CLCA1: variants seen among roughly 807,000 people sequenced by gnomAD.
CLCA1 encodes the protein chloride channel accessory 1.
A neutral mutation model predicts 85.6 loss-of-function variants in CLCA1; 59 were observed. The ratio of observed to expected loss-of-function variants is 0.69; its 90% confidence interval spans 0.56 to 0.86. The LOEUF (loss-of-function observed/expected upper bound fraction) is 0.86, where lower values mean the gene tolerates loss of function less well. CLCA1 is among the 40% of genes least tolerant of loss of function. CLCA1 has a pLI of 0.00. For missense variants in CLCA1, 1,022 were observed against 1,101.4 expected, an observed-to-expected ratio of 0.93 and a Z score of 1.02; for synonymous variants, 396 against 398.3, an observed-to-expected ratio of 0.99 and a Z score of 0.07.
At chr1:86,499,628 G>C in intron 13 of CLCA1, 26 bp from the exon 14 acceptor site, 1 of 1,436,836 alleles carries the variant, frequency 7.0e-7, no homozygotes, top group South Asian at 1.3e-5. Flanking sequence ...CAGAATTAAA[G>C]TCACATTCTT....
chr1:86,481,242 T>G (rs976469555), intron 4 of CLCA1, among the ~76,000 whole-genome samples: 1 of 152,052 alleles, frequency 6.6e-6, no homozygotes, highest in East Asian at 1.9e-4. Flanking sequence ...GTTCAAGCAA[T>G]TCTCGTGCCT....
At chr1:86,479,278 G>T (rs538362494) in intron 4 of CLCA1, among the ~76,000 whole-genome samples, 1 of 152,114 alleles carries the variant, frequency 6.6e-6, no homozygotes, top group African/African-American at 2.4e-5. Flanking sequence ...GCAATGAAAG[G>T]TATGATAAAA....
intron 4 of CLCA1, among the ~76,000 whole-genome samples, chr1:86,481,214 G>C (rs1377119658): frequency 6.6e-6 from 1 of 151,688 alleles, no homozygotes; most frequent in Non-Finnish European, 1.5e-5. Context: ...TCAGCTCACT[G>C]CAACCTCTGC....
At position 86,489,069 on chromosome 1, in the gene CLCA1, G is replaced by A; in HGVS notation, c.1256G>A (p.Ser419Asn). Residue 419 changes from serine to asparagine, a missense_variant, in exon 8 of 14, where the codon AGT becomes AAT. Physicochemically the swap from Ser to Asn is conservative, Grantham distance 46. Transcript: ENST00000394711. ...LLTDGEDNTISGCFNEVKQSG... is the reference protein window; with the variant it reads ...LLTDGEDNTINGCFNEVKQSG... ...ACGGATGGGGAAGACAACACTATAA[G>A]TGGGTGCTTTAACGAGGTCAAACAA... The A allele has an allele frequency of 6.2e-7, 1 of 1,614,136 alleles. No individual in the cohort carries two copies. Among genetic ancestry groups the A allele is most frequent in the Non-Finnish European group, 8.5e-7 (1 of 1,180,006 alleles).
In CLCA1 at chr1:86,480,370, G is replaced by T. The variant is rs568875370; in HGVS notation, c.558-1835G>T. On this transcript the variant is annotated intron_variant, in intron 4 of 13. Transcript: ENST00000394711. The stretch of plus-strand genomic sequence containing the variant: ...ACATCCAAATAGAAAAATAGACAAA[G>T]GAGAAGAATAGATAATTTACAAAAG... Among the ~76,000 whole-genome samples, 74 of 152,194 alleles carry T rather than the reference G, an allele frequency of 4.9e-4. 1 individual carries two copies. The South Asian group carries it at 0.014, about 29-fold the overall frequency.
At chr1:86,488,690 C>G (rs1172729938) in intron 7 of CLCA1, among the ~76,000 whole-genome samples, 1 of 152,096 alleles carries the variant, frequency 6.6e-6, no homozygotes, top group Non-Finnish European at 1.5e-5. Flanking sequence ...AAGGAGAGAC[C>G]AAGTGAAGGA....
chr1:86,474,469 G>A (rs1267468193), intron 3 of CLCA1, among the ~76,000 whole-genome samples: 4 of 151,960 alleles, frequency 2.6e-5, no homozygotes, highest in African/African-American at 7.3e-5. Context: ...CAGGAGAATG[G>A]CGTGAACCCG....
intron 7 of CLCA1, among the ~76,000 whole-genome samples, chr1:86,488,159 G>C (rs1224381278): frequency 6.6e-6 from 1 of 152,204 alleles, no homozygotes; most frequent in Non-Finnish European, 1.5e-5. Context: ...GCCTTTGGAA[G>C]ATGCCTTCTT....
chr1:86,488,886 T>C (rs981471016), intron 7 of CLCA1, 110 bp from the exon 8 acceptor site: 11 of 797,688 alleles, frequency 1.4e-5, no homozygotes, highest in Non-Finnish European at 1.9e-5. Context: ...TCCCAGACAA[T>C]TTTGGTTATT....
At chr1:86,487,645 C>G (rs1051725894) in intron 7 of CLCA1, among the ~76,000 whole-genome samples, 1 of 152,132 alleles carries the variant, frequency 6.6e-6, no homozygotes, top group East Asian at 1.9e-4. Flanking sequence ...TTGGCTTGTT[C>G]TCTTGGCTTG....
intron 1 of CLCA1, among the ~76,000 whole-genome samples, chr1:86,471,386 A>G (rs904504817): frequency 2.0e-5 from 3 of 152,184 alleles, no homozygotes; most frequent in Admixed American, 6.5e-5. Flanking sequence ...AGCCCATTCT[A>G]TAAACTGTCA....
At chr1:86,472,521 T>C (rs1647533858) in intron 1 of CLCA1, among the ~76,000 whole-genome samples, 1 of 152,304 alleles carries the variant, frequency 6.6e-6, no homozygotes, top group African/African-American at 2.4e-5. Flanking sequence ...TCGAAGCAAA[T>C]GGTTTTCAGT....
intron 4 of CLCA1, among the ~76,000 whole-genome samples, chr1:86,476,864 C>T (rs890943424): frequency 9.2e-5 from 14 of 152,088 alleles, no homozygotes; most frequent in Admixed American, 5.2e-4. Flanking sequence ...GCATCAGTGA[C>T]GTAAGCAGAG....
chr1:86,481,287 A>G (rs1463659257), intron 4 of CLCA1, among the ~76,000 whole-genome samples: 2 of 151,628 alleles, frequency 1.3e-5, no homozygotes, highest in African/African-American at 4.8e-5. Flanking sequence ...CAGGTGCGCA[A>G]CACCATGCCC....
intron 12 of CLCA1, 81 bp downstream of exon 12, chr1:86,495,756 T>G: frequency 1.6e-6 from 2 of 1,276,888 alleles, no homozygotes; most frequent in South Asian, 3.3e-5. Flanking sequence ...TGGGGCAGAA[T>G]GGTGCATGAT....
intron 13 of CLCA1, among the ~76,000 whole-genome samples, 193 bp from the exon 14 acceptor site, chr1:86,499,461 A>G (rs1479505886): frequency 6.6e-6 from 1 of 152,238 alleles, no homozygotes; most frequent in African/African-American, 2.4e-5. Context: ...CATTATATAC[A>G]AACAAGAATG....
chr1:86,495,365 A>T, intron 11 of CLCA1, 140 bp from the exon 12 acceptor site: 1 of 646,618 alleles, frequency 1.5e-6, no homozygotes, highest in Non-Finnish European at 2.7e-6. Flanking sequence ...CCTTACCCTC[A>T]ACACACCAAA....
chr1:86,496,123 T>C (rs1233212599), intron 12 of CLCA1, among the ~76,000 whole-genome samples: 1 of 152,218 alleles, frequency 6.6e-6, no homozygotes, highest in South Asian at 2.1e-4. Context: ...CATAGGATGG[T>C]CACACAGAAT....
intron 2 of CLCA1, 52 bp from the exon 3 acceptor site, chr1:86,473,677 T>A: frequency 6.6e-7 from 1 of 1,517,198 alleles, no homozygotes; most frequent in Non-Finnish European, 8.9e-7. Flanking sequence ...CGAATATGGT[T>A]AATTCATTTG....
Sources: gnomAD v4.1 joint callset for allele counts (sites outside exome capture counted in the v4.1 genomes callset) on GRCh38, gnomAD v4.1.1 for gene constraint, MANE v1.5 for transcripts, NCBI Gene and HGNC (gene_info 2026-07-23, HGNC 2026-07-21) for gene names.